The following WNT7A variants were observed in gnomAD, a reference collection of about 807,000 sequenced individuals.
WNT7A encodes the protein Wnt family member 7A.
WNT7A carries 16 observed loss-of-function variants against 28.2 expected under a neutral mutation model. The observed-to-expected ratio is 0.57, with a 90% confidence interval of 0.38 to 0.86. WNT7A has a LOEUF of 0.86. WNT7A is among the 40% of genes least tolerant of loss of function. The probability of loss-of-function intolerance (pLI) is 0.00; values close to 1 mark genes in which losing one functional copy is unlikely to be tolerated. For synonymous variants in WNT7A, 190 were observed against 195.9 expected (o/e 0.97, Z 0.25); for missense variants, 411 against 489.7 (o/e 0.84, Z 1.52).
At chr3:13,836,200 T>TAA (rs200750554) in intron 3 of WNT7A, among the ~76,000 whole-genome samples, 11 of 134,936 alleles carry the variant, frequency 8.2e-5, no homozygotes, top group East Asian at 2.1e-4. Context: ...AGCTGGTTTT[T>TAA]AAAAAAAAAA....
intron 3 of WNT7A, among the ~76,000 whole-genome samples, chr3:13,844,543 G>C (rs1438615839): frequency 6.6e-6 from 1 of 152,180 alleles, no homozygotes; most frequent in Non-Finnish European, 1.5e-5. Context: ...GCCCATCTGA[G>C]AAATGGAGTT....
Position 13,819,079 on chromosome 3 carries a change from G to A in WNT7A, c.915C>T (p.Asp305=), listed in dbSNP as rs749832713. The A allele has an allele frequency of 1.2e-6, 2 of 1,614,124 alleles. No individual in the cohort carries two copies. The highest frequency in any genetic ancestry group is 1.1e-5 in the South Asian group (1 of 91,080). Residue 305 remains aspartate, a synonymous_variant, in exon 4 of 4, where the codon GAC becomes GAT. Transcript: ENST00000285018. Reference sequence around the variant, plus strand: ...TGTAGCCACGCCCACAGCACATGAGGTCACAGCCGCTGGCCTGGGGAGCCG... The same window carrying A: ...TGTAGCCACGCCCACAGCACATGAGATCACAGCCGCTGGCCTGGGGAGCCG... The part of the protein sequence containing the change: ...NKTAPQASGC[D]LMCCGRGYNT...
At chr3:13,823,164 G>T (rs1479350407) in intron 3 of WNT7A, among the ~76,000 whole-genome samples, 2 of 152,218 alleles carry the variant, frequency 1.3e-5, no homozygotes, top group Admixed American at 6.5e-5. Flanking sequence ...CAATAGCAGA[G>T]GAAGTGTGTG....
At position 13,856,051 on chromosome 3, in the gene WNT7A, T is replaced by C. The variant is rs576365709; in HGVS notation, c.299-1248A>G. Among the ~76,000 whole-genome samples the C allele has an allele frequency of 2.6e-5, 4 of 152,092 alleles. No individual in the cohort carries two copies. The East Asian group carries it at 7.8e-4, about 30-fold the overall frequency. On this transcript the variant is annotated intron_variant, in intron 2 of 3. Transcript: ENST00000285018. ...GGAGGGGGAGACAGACACAAACAAC[T>C]TGTCCCCCCACCCCATCGCTGCCCT...
intron 1 of WNT7A, among the ~76,000 whole-genome samples, chr3:13,876,493 G>T (rs1695113093): frequency 6.6e-6 from 1 of 152,208 alleles, no homozygotes; most frequent in Non-Finnish European, 1.5e-5. Flanking sequence ...GTTGGTGGTG[G>T]CTTGGCTTGG....
chr3:13,877,095 C>T (rs913288402), intron 1 of WNT7A: 1 of 150,956 alleles, frequency 6.6e-6, no homozygotes, highest in African/African-American at 2.5e-5. Flanking sequence ...CGGGTGAGTA[C>T]CTATTACATG....
intron 2 of WNT7A, among the ~76,000 whole-genome samples, chr3:13,859,493 G>A (rs763173441): frequency 6.6e-6 from 1 of 152,124 alleles, no homozygotes; most frequent in Non-Finnish European, 1.5e-5. Context: ...GAAATTATAG[G>A]TGCCACTGGG....
At chr3:13,819,556 T>A in intron 3 of WNT7A, 133 bp from the exon 4 acceptor site, 1 of 1,286,102 alleles carries the variant, frequency 7.8e-7, no homozygotes, top group Non-Finnish European at 1.0e-6. Context: ...CTTTCTGGTG[T>A]AGGAAACTCA....
intron 3 of WNT7A, among the ~76,000 whole-genome samples, chr3:13,840,059 A>G (rs1233026382): frequency 6.6e-6 from 1 of 151,884 alleles, no homozygotes; most frequent in African/African-American, 2.4e-5. Flanking sequence ...TCTCTAACAC[A>G]TCTCTCTGTG....
At chr3:13,821,087 G>T (rs1457439042) in intron 3 of WNT7A, among the ~76,000 whole-genome samples, 1 of 152,250 alleles carries the variant, frequency 6.6e-6, no homozygotes, top group Admixed American at 6.5e-5. Flanking sequence ...TGAGGGGATA[G>T]TTCCCAAATC....
At chr3:13,842,772 C>T (rs1422754437) in intron 3 of WNT7A, among the ~76,000 whole-genome samples, 8 of 152,144 alleles carry the variant, frequency 5.3e-5, no homozygotes, top group East Asian at 1.9e-4. Flanking sequence ...TTGTGGTAGA[C>T]GAGTGCTCAT....
intron 3 of WNT7A, among the ~76,000 whole-genome samples, chr3:13,840,247 C>T (rs1001885181): frequency 6.6e-6 from 1 of 152,214 alleles, no homozygotes; most frequent in Non-Finnish European, 1.5e-5. Context: ...CTGCTCCTGA[C>T]ATCTGTGCCC....
In WNT7A at chr3:13,838,442, A is replaced by G. The variant is rs1334568712; in HGVS notation, c.570+16090T>C. ...AAGAGGTTTTAAAGTCCCTTCTTCA[A>G]GCCCCAGCTCTGCCACCTGTTGGCT... On this transcript the variant is annotated intron_variant, in intron 3 of 3. Coordinates refer to ENST00000285018, the MANE Select transcript of WNT7A (RefSeq NM_004625.4). Among the ~76,000 whole-genome samples, 3 of 152,242 alleles carry G rather than the reference A, an allele frequency of 2.0e-5. No individual in the cohort carries two copies. The East Asian group carries it at 5.8e-4, about 29-fold the overall frequency.
rs187776284 is a variant in WNT7A at position 13,817,801 on chromosome 3, C to G, written c.*1143G>C. 1 of 152,204 alleles carries G rather than the reference C, an allele frequency of 6.6e-6. No individual in the cohort carries two copies. Among genetic ancestry groups the G allele is most frequent in the Admixed American group, 6.5e-5 (1 of 15,288 alleles). The allele number at this position is 152,204 out of a possible 1,614,324, so 9.4% of individuals were successfully genotyped here. A position where few individuals can be genotyped will look rare whatever the true frequency, so the allele number is the denominator to read the frequency against. ...GACGGTCAAGTCCCTGTGAGGGGCACGATGACCACCCACCACAGTGACTCA... is the reference window on the plus strand; with the variant it reads ...GACGGTCAAGTCCCTGTGAGGGGCAGGATGACCACCCACCACAGTGACTCA... On this transcript the variant is annotated 3_prime_UTR_variant, in exon 4 of 4. Transcript: ENST00000285018.
intron 1 of WNT7A, among the ~76,000 whole-genome samples, chr3:13,878,002 A>G (rs1242039604): frequency 6.6e-6 from 1 of 152,174 alleles, no homozygotes; most frequent in Non-Finnish European, 1.5e-5. Flanking sequence ...GAGTAGCCCG[A>G]GGCGCAGGGA....
intron 3 of WNT7A, among the ~76,000 whole-genome samples, chr3:13,846,172 C>T (rs1260723370): frequency 2.0e-5 from 3 of 152,264 alleles, no homozygotes; most frequent in Non-Finnish European, 2.9e-5. Context: ...AGAGGATGCA[C>T]GTGTGCGTGC....
At chr3:13,874,697 T>TC (rs1256734824) in intron 2 of WNT7A, among the ~76,000 whole-genome samples, 1 of 151,716 alleles carries the variant, frequency 6.6e-6, no homozygotes, top group African/African-American at 2.4e-5. Flanking sequence ...CAGCACTGTA[T>TC]CAGAGGTTAA....
chr3:13,832,568 C>T (rs768884803), intron 3 of WNT7A, among the ~76,000 whole-genome samples: 3 of 152,158 alleles, frequency 2.0e-5, no homozygotes, highest in Admixed American at 6.5e-5. Context: ...CTCCCCATGT[C>T]GATCCATCTT....
chr3:13,870,906 A>G (rs1695017699), intron 2 of WNT7A, among the ~76,000 whole-genome samples: 1 of 152,190 alleles, frequency 6.6e-6, no homozygotes, highest in Non-Finnish European at 1.5e-5. Flanking sequence ...GGTGGCTTGA[A>G]TTGGGGTTCA....
Sources: allele counts gnomAD v4.1 joint callset (sites outside exome capture counted in the v4.1 genomes callset), GRCh38; gene constraint gnomAD v4.1.1; transcripts MANE v1.5; gene names NCBI Gene and HGNC (gene_info 2026-07-23, HGNC 2026-07-21).